The following LOXHD1 variants were observed in gnomAD, a reference collection of about 807,000 sequenced individuals.
LOXHD1 encodes the protein lipoxygenase homology PLAT domains 1.
In LOXHD1, 205 loss-of-function variants were observed where a neutral mutation model predicts 248.2. That is an observed-to-expected ratio of 0.83 (90% CI 0.74 to 0.93). The LOEUF is 0.93. Among genes scored for constraint, LOXHD1 ranks in the 40% least tolerant of loss-of-function variants. The pLI is 0.00. For missense variants in LOXHD1, 2,930 were observed against 2,971.6 expected (o/e 0.99, Z 0.33); for synonymous variants, 1,113 against 1,162.8 (o/e 0.96, Z 0.87).
At position 46,649,217 on chromosome 18, in the gene LOXHD1, G is replaced by A. The variant is rs2039075688; in HGVS notation, c.183C>T (p.Ala61=). Residue 61 remains alanine (A), a synonymous_variant, in exon 2 of 41, where the codon GCC becomes GCT. Transcript: ENST00000642948. The stretch of plus-strand genomic sequence containing the variant: ...CTCCAAAAAGCGTGATGAAGACATT[G>A]GCATCCGTCCCTGCACCGCGAACAT... The part of the protein sequence containing the change: ...TGDVRGAGTD[A]NVFITLFGEN... The A allele has an allele frequency of 6.4e-7, 1 of 1,551,688 alleles. No homozygotes were observed. Among genetic ancestry groups the A allele is most frequent in the African/African-American group, 1.4e-5 (1 of 73,048 alleles).
chr18:46,488,077 T>C (rs923370522), intron 38 of LOXHD1, among the ~76,000 whole-genome samples: 12 of 152,230 alleles, frequency 7.9e-5, no homozygotes, highest in Admixed American at 7.2e-4. Context: ...CCCTGGGGAG[T>C]TGGCCTGCAA....
chr18:46,484,994 C>T, intron 39 of LOXHD1, 25 bp downstream of exon 39: 1 of 1,545,796 alleles, frequency 6.5e-7, no homozygotes, highest in Non-Finnish European at 8.8e-7. Flanking sequence ...CCCCCCACCA[C>T]TTCCCATGGG....
At position 46,592,576 on chromosome 18, in the gene LOXHD1, G is replaced by A. The variant is rs1186813125; in HGVS notation, c.1440C>T (p.Leu480=). 4 of 1,551,426 alleles carry A rather than the reference G, an allele frequency of 2.6e-6. No individual in the cohort carries two copies. The South Asian group carries it at 3.6e-5, about 14-fold the overall frequency. The change falls in exon 11 of 41, where the codon CTC becomes CTT. Residue 480 remains leucine (L), a synonymous_variant. Transcript: ENST00000642948. ...PGIIEKFRIE[L]PDLGRFYKIR... is the part of the protein sequence containing the mutation. ...TCTTATAAAACCTGCCAAGATCCGG[G>A]AGCTCAATCTATGGTGAGAAATAAA...
chr18:46,571,719 C>T (rs1270528649), intron 15 of LOXHD1, among the ~76,000 whole-genome samples: 2 of 152,224 alleles, frequency 1.3e-5, no homozygotes, highest in Non-Finnish European at 2.9e-5. Flanking sequence ...AAGGAAAACT[C>T]TAAGGCCTCC....
chr18:46,488,974 G>A lies in LOXHD1; in HGVS notation c.6047C>T (p.Thr2016Ile). 4.5e-6 allele frequency: 7 copies of A among 1,550,936 alleles called. No individual in the cohort carries two copies. Among genetic ancestry groups the A allele is most frequent in the Non-Finnish European group, 6.1e-6 (7 of 1,146,468 alleles). ...NNKICDELEE[T>I]TYEIVIETGN... ...AGCCAATGATCTCCCCCACATACTGGTCTCTTCCAGCTCATCACAGATCTT... is the reference window on the plus strand; with the variant it reads ...AGCCAATGATCTCCCCCACATACTGATCTCTTCCAGCTCATCACAGATCTT... The change falls in exon 38 of 41, where the codon ACC (threonine) becomes ATC (isoleucine). Residue 2016 changes from threonine (T) to isoleucine (I), a missense_variant and splice_region_variant. Physicochemically the swap from Thr to Ile is moderately conservative, Grantham distance 89. Coordinates refer to ENST00000642948, the MANE Select transcript of LOXHD1 (RefSeq NM_001384474.1).
rs886557884 is a variant in LOXHD1, at chr18:46,547,194, C to T, written c.3351-136G>A. ...GTCTGCCCCTGACAGCATTGCCCTGCTATTCTACCCAGCCTGGGAATCACT... is the reference window on the plus strand; with the variant it reads ...GTCTGCCCCTGACAGCATTGCCCTGTTATTCTACCCAGCCTGGGAATCACT... On this transcript the variant is annotated intron_variant, in intron 21 of 40. Coordinates refer to ENST00000642948, the MANE Select transcript of LOXHD1 (RefSeq NM_001384474.1). The T allele has an allele frequency of 9.9e-5, 97 of 983,044 alleles. No individual in the cohort carries two copies. The African/African-American group carries it at 1.5e-3, about 15-fold the overall frequency. 60.9% of individuals were successfully genotyped at this position (983,044 alleles called of 1,614,324 possible).
chr18:46,506,416 C>G (rs1040343878), intron 36 of LOXHD1, among the ~76,000 whole-genome samples: 1 of 152,192 alleles, frequency 6.6e-6, no homozygotes, highest in South Asian at 2.1e-4. Context: ...GTTCTGTGTT[C>G]CCTAAATCTG....
intron 4 of LOXHD1, among the ~76,000 whole-genome samples, chr18:46,619,127 T>G (rs1343534015): frequency 6.6e-6 from 1 of 152,174 alleles, no homozygotes; most frequent in Non-Finnish European, 1.5e-5. Context: ...CCTCCAGCTT[T>G]TCACTGGGTG....
intron 15 of LOXHD1, among the ~76,000 whole-genome samples, chr18:46,571,046 G>A (rs1482673667): frequency 2.0e-5 from 3 of 152,094 alleles, no homozygotes; most frequent in African/African-American, 7.2e-5. Context: ...GGGGAATAGG[G>A]GTCCTTTTGC....
At position 46,539,861 on chromosome 18, in the gene LOXHD1, C is replaced by T. The variant is rs191547861; in HGVS notation, c.3914-1524G>A. On this transcript the variant is annotated intron_variant, in intron 25 of 40. Transcript: ENST00000642948. ...AGTTCAAGTGGATGTCTACTCTATC[C>T]TGTAGTCTTGGCCCTTGAAAGGAGT... 1.8e-3 allele frequency among the ~76,000 whole-genome samples: 273 copies of T among 152,330 alleles called. 3 individuals are homozygous for T. Among genetic ancestry groups the T allele is most frequent in the African/African-American group, 6.2e-3 (258 of 41,576 alleles).
intron 35 of LOXHD1, 146 bp from the exon 36 acceptor site, chr18:46,507,858 G>T: frequency 1.2e-6 from 1 of 802,432 alleles, no homozygotes; most frequent in Non-Finnish European, 1.9e-6. Flanking sequence ...CACGGGGTGT[G>T]GAAAGGGCCC....
chr18:46,494,532 G>A (rs1281654055), intron 37 of LOXHD1, among the ~76,000 whole-genome samples: 2 of 152,156 alleles, frequency 1.3e-5, no homozygotes, highest in African/African-American at 4.8e-5. Flanking sequence ...CCTAGCTGTG[G>A]ATGAATATGA....
chr18:46,537,278 C>T (rs2036353176), intron 26 of LOXHD1, among the ~76,000 whole-genome samples: 1 of 152,150 alleles, frequency 6.6e-6, no homozygotes, highest in Non-Finnish European at 1.5e-5. Flanking sequence ...CCACTACATC[C>T]TAGCTGTGTG....
At chr18:46,655,465 G>A (rs2039168405) in intron 1 of LOXHD1, among the ~76,000 whole-genome samples, 1 of 152,346 alleles carries the variant, frequency 6.6e-6, no homozygotes, top group South Asian at 2.1e-4. Context: ...CAGTCACGTG[G>A]CTGGGGAGAA....
At chr18:46,570,249 C>T (rs998123811) in intron 15 of LOXHD1, among the ~76,000 whole-genome samples, 1 of 152,196 alleles carries the variant, frequency 6.6e-6, no homozygotes, top group Non-Finnish European at 1.5e-5. Flanking sequence ...CCAGGAATGT[C>T]TGCATTATCG....
Position 46,538,345 on chromosome 18 carries a change from T to G in LOXHD1, c.3914-8A>C, listed in dbSNP as rs1403897719. The G allele has an allele frequency of 6.5e-7, 1 of 1,542,372 alleles. No individual in the cohort carries two copies. The highest frequency in any genetic ancestry group is 1.2e-5 in the South Asian group (1 of 83,860). The stretch of plus-strand genomic sequence containing the variant: ...TGATCTCGTAAGGAACAACTGAGGG[T>G]GGTGGTCAGAGGGCAAAGCCAGAGT... On this transcript the variant is annotated splice_polypyrimidine_tract_variant and splice_region_variant and intron_variant, in intron 25 of 40. Transcript: ENST00000642948.
At chr18:46,654,048 T>A (rs1363295710) in intron 1 of LOXHD1, among the ~76,000 whole-genome samples, 4 of 152,142 alleles carry the variant, frequency 2.6e-5, no homozygotes, top group African/African-American at 7.2e-5. Context: ...GGTGGGGCCT[T>A]TAAGAGGTGA....
At chr18:46,517,608 G>C (rs1281730108) in intron 34 of LOXHD1, among the ~76,000 whole-genome samples, 1 of 151,954 alleles carries the variant, frequency 6.6e-6, no homozygotes, top group Non-Finnish European at 1.5e-5. Flanking sequence ...TTGTCTTCTT[G>C]GTTATATCAT....
At chr18:46,479,772 A>AAC (rs1555651997) in intron 40 of LOXHD1, among the ~76,000 whole-genome samples, 1 of 151,322 alleles carries the variant, frequency 6.6e-6, no homozygotes, top group Non-Finnish European at 1.5e-5. Flanking sequence ...AGAAAAAAAA[A>AAC]AAAACAAAAA....
Sources: gnomAD v4.1 joint callset for allele counts (sites outside exome capture counted in the v4.1 genomes callset) on GRCh38, gnomAD v4.1.1 for gene constraint, MANE v1.5 for transcripts, NCBI Gene and HGNC (gene_info 2026-07-23, HGNC 2026-07-21) for gene names.